FNDC3B: variants seen among roughly 807,000 people sequenced by gnomAD.
The protein encoded by FNDC3B is fibronectin type III domain-containing protein 3B.
In FNDC3B, 12 loss-of-function variants were observed where a neutral mutation model predicts 151.5. That is an observed-to-expected ratio of 0.08 (90% CI 0.05 to 0.13). FNDC3B has a LOEUF of 0.13. FNDC3B is among the 10% of genes least tolerant of loss of function. The probability of loss-of-function intolerance (pLI) is 1.00; values close to 1 mark genes in which losing one functional copy is unlikely to be tolerated. For missense variants in FNDC3B, 1,214 were observed against 1,505.3 expected (o/e 0.81, Z 3.20); for synonymous variants, 528 against 549.0 (o/e 0.96, Z 0.54).
chr3:172,132,478 T>C (rs1721155617), intron 2 of FNDC3B, among the ~76,000 whole-genome samples: 1 of 152,234 alleles, frequency 6.6e-6, no homozygotes, highest in Non-Finnish European at 1.5e-5. Context: ...TGATCTAGGC[T>C]TGCCACAACT....
At chr3:172,056,075 C>G (rs1716903519) in intron 1 of FNDC3B, among the ~76,000 whole-genome samples, 2 of 152,152 alleles carry the variant, frequency 1.3e-5, no homozygotes, top group Non-Finnish European at 2.9e-5. Flanking sequence ...GCCACTGCGC[C>G]CGGCCTGTTC....
chr3:172,060,370 A>G (rs530103002), intron 1 of FNDC3B, among the ~76,000 whole-genome samples: 4 of 152,054 alleles, frequency 2.6e-5, no homozygotes, highest in Non-Finnish European at 5.9e-5. Flanking sequence ...GGTAAGACAC[A>G]TTTATGAGTT....
At position 172,363,154 on chromosome 3, in the gene FNDC3B, A is replaced by G. The variant is rs189553640; in HGVS notation, c.3008+309A>G. On this transcript the variant is annotated intron_variant, in intron 23 of 25. Coordinates refer to ENST00000415807, the MANE Select transcript of FNDC3B (RefSeq NM_022763.4). ...GTCAAATTCAAGTTCACACTATGTA[A>G]TAGCATTATATTAGTCATGAGTGCA... is the stretch of plus-strand genomic sequence containing the variant. Among the ~76,000 whole-genome samples, 3 of 152,292 alleles carry G rather than the reference A, an allele frequency of 2.0e-5. No individual in the cohort carries two copies. The East Asian group carries it at 5.8e-4, about 29-fold the overall frequency.
At chr3:172,132,029 T>C (rs1721131788) in intron 2 of FNDC3B, among the ~76,000 whole-genome samples, 1 of 152,200 alleles carries the variant, frequency 6.6e-6, no homozygotes, top group South Asian at 2.1e-4. Flanking sequence ...CATAATTGCT[T>C]AGTTAATTGA....
intron 6 of FNDC3B, among the ~76,000 whole-genome samples, chr3:172,274,114 C>T (rs1729329284): frequency 6.6e-6 from 1 of 152,156 alleles, no homozygotes; most frequent in South Asian, 2.1e-4. Flanking sequence ...GATGCTTTGG[C>T]ATGAAGTAAT....
intron 3 of FNDC3B, among the ~76,000 whole-genome samples, chr3:172,199,920 G>A (rs926647112): frequency 1.3e-5 from 2 of 152,186 alleles, no homozygotes; most frequent in African/African-American, 4.8e-5. Flanking sequence ...AATAAATATG[G>A]TGGGTTCTCT....
intron 1 of FNDC3B, among the ~76,000 whole-genome samples, chr3:172,077,010 CAA>C (rs1222665685): frequency 6.6e-6 from 1 of 151,980 alleles, no homozygotes; most frequent in Admixed American, 6.6e-5. Flanking sequence ...AGTTAGAAAA[CAA>C]AATCTGCATA....
chr3:172,042,996 C>A (rs1022668861), intron 1 of FNDC3B, among the ~76,000 whole-genome samples: 1 of 151,918 alleles, frequency 6.6e-6, no homozygotes, highest in Admixed American at 6.6e-5. Context: ...CTAACTGCAA[C>A]CTCCGCCTCC....
chr3:172,355,702 G>T (rs1734063039), intron 22 of FNDC3B, among the ~76,000 whole-genome samples: 1 of 152,220 alleles, frequency 6.6e-6, no homozygotes, highest in African/African-American at 2.4e-5. Context: ...TGGCCCCAGA[G>T]GGGGCCTAAA....
intron 22 of FNDC3B, among the ~76,000 whole-genome samples, chr3:172,362,391 A>G (rs1419033772): frequency 6.6e-6 from 1 of 151,752 alleles, no homozygotes; most frequent in East Asian, 1.9e-4. Context: ...TTTAAATTAA[A>G]GAACTAAGAG....
At chr3:172,295,172 T>G (rs1730540093) in intron 7 of FNDC3B, among the ~76,000 whole-genome samples, 191 bp from the exon 8 acceptor site, 1 of 152,226 alleles carries the variant, frequency 6.6e-6, no homozygotes, top group African/African-American at 2.4e-5. Context: ...GTTGGCATTA[T>G]AAGGACAGAT....
At chr3:172,064,712 G>A (rs1278867251) in intron 1 of FNDC3B, among the ~76,000 whole-genome samples, 3 of 152,164 alleles carry the variant, frequency 2.0e-5, no homozygotes, top group Non-Finnish European at 4.4e-5. Flanking sequence ...TTTAGCTTCT[G>A]AGCTTTCAAA....
intron 3 of FNDC3B, among the ~76,000 whole-genome samples, chr3:172,182,927 A>G (rs765638859): frequency 6.6e-6 from 1 of 152,234 alleles, no homozygotes; most frequent in Non-Finnish European, 1.5e-5. Context: ...TTTTTGCCAC[A>G]CTAGCAGCAG....
intron 6 of FNDC3B, among the ~76,000 whole-genome samples, chr3:172,282,710 A>G (rs1251602573): frequency 6.6e-6 from 1 of 152,142 alleles, no homozygotes; most frequent in African/African-American, 2.4e-5. Context: ...CTCAAGGCCA[A>G]CACCCCACCA....
At chr3:172,199,240 C>A (rs190879928) in intron 3 of FNDC3B, among the ~76,000 whole-genome samples, 1 of 149,930 alleles carries the variant, frequency 6.7e-6, no homozygotes, top group African/African-American at 2.5e-5. Flanking sequence ...AGTGCAGTGG[C>A]GCGATCTCGG....
At chr3:172,065,071 C>T (rs1173005457) in intron 1 of FNDC3B, among the ~76,000 whole-genome samples, 6 of 152,172 alleles carry the variant, frequency 3.9e-5, no homozygotes, top group African/African-American at 1.2e-4. Flanking sequence ...CGGTGGCTCA[C>T]GCCTGTAATC....
chr3:172,394,135 A>AAAAAAAAAAG (rs1392943907), intron 25 of FNDC3B, among the ~76,000 whole-genome samples: 1 of 139,630 alleles, frequency 7.2e-6, no homozygotes, highest in Non-Finnish European at 1.5e-5. Flanking sequence ...AAAAAAAAAA[A>AAAAAAAAAAG]ATGGATACAG....
chr3:172,281,629 C>A (rs1281977807), intron 6 of FNDC3B, among the ~76,000 whole-genome samples: 1 of 152,128 alleles, frequency 6.6e-6, no homozygotes, highest in Non-Finnish European at 1.5e-5. Flanking sequence ...AAAATAGCCC[C>A]TGAGAATGAA....
intron 24 of FNDC3B, among the ~76,000 whole-genome samples, chr3:172,380,076 C>CTTT (rs35196745): frequency 7.5e-5 from 4 of 53,306 alleles, no homozygotes; most frequent in Non-Finnish European, 6.3e-5. Flanking sequence ...TCTTCTTCTT[C>CTTT]TTTTTTTTTA....
Sources: allele counts gnomAD v4.1 joint callset (sites outside exome capture counted in the v4.1 genomes callset), GRCh38; gene constraint gnomAD v4.1.1; transcripts MANE v1.5; gene names NCBI Gene and HGNC (gene_info 2026-07-23, HGNC 2026-07-21).